The following CLEC2A variants were observed in gnomAD, a reference collection of about 807,000 sequenced individuals.
The protein encoded by CLEC2A is C-type lectin domain family 2 member A.
A neutral mutation model predicts 18.6 loss-of-function variants in CLEC2A; 19 were observed. The ratio of observed to expected loss-of-function variants is 1.02; its 90% confidence interval spans 0.71 to 1.50. CLEC2A has a LOEUF of 1.50. Among genes scored for constraint, CLEC2A ranks in the 40% most tolerant of loss-of-function variants. The pLI, the probability that CLEC2A is intolerant of heterozygous loss-of-function variation, is 0.00. For synonymous variants in CLEC2A, 74 were observed against 64.0 expected (o/e 1.16, Z -0.75); for missense variants, 190 against 207.9 (o/e 0.91, Z 0.53).
chr12:9,912,887 CT>C (rs555814635), downstream of CLEC2A, among the ~76,000 whole-genome samples: 5 of 152,026 alleles, frequency 3.3e-5, no homozygotes, highest in African/African-American at 1.2e-4. Context: ...AATCAAGATA[CT>C]TTTTTTTCTC....
At chr12:9,882,773 T>C in the CLEC2A span, among the ~76,000 whole-genome samples, 1 of 131,574 alleles carries the variant, frequency 7.6e-6, no homozygotes, top group Non-Finnish European at 1.7e-5. Context: ...AGAGCAAGAC[T>C]CCATATATAA....
chr12:9,888,054 C>CA, the CLEC2A span, among the ~76,000 whole-genome samples: 6,769 of 65,400 alleles, frequency 0.1, 713 homozygotes, highest in East Asian at 0.28. Flanking sequence ...GACCCTGTGT[C>CA]AAAAAAAAAA....
chr12:9,914,211 G>A (rs1436860652), intron 4 of CLEC2A, among the ~76,000 whole-genome samples: 1 of 151,714 alleles, frequency 6.6e-6, no homozygotes, highest in East Asian at 1.9e-4. Flanking sequence ...AAACCTAAGA[G>A]ACTGCTTATA....
chr12:9,897,048 C>G (rs193190749), downstream of CLEC2A, among the ~76,000 whole-genome samples: 2 of 151,854 alleles, frequency 1.3e-5, no homozygotes, highest in East Asian at 3.9e-4. Context: ...TTAGTAGAGA[C>G]GAGGTTTCAC....
intron 1 of CLEC2A, among the ~76,000 whole-genome samples, chr12:9,931,120 G>C (rs1448112052): frequency 6.6e-6 from 1 of 151,940 alleles, no homozygotes; most frequent in Non-Finnish European, 1.5e-5. Flanking sequence ...ATGCTTCACA[G>C]TACTTCATAT....
chr12:9,923,951 T>G (rs1045764264), intron 2 of CLEC2A, among the ~76,000 whole-genome samples: 5 of 151,638 alleles, frequency 3.3e-5, no homozygotes, highest in Non-Finnish European at 1.5e-5. Context: ...TGGGGAGGGA[T>G]AGCCCCCCTG....
At chr12:9,910,497 C>T (rs978265617), downstream of CLEC2A, among the ~76,000 whole-genome samples, 3 of 152,108 alleles carry the variant, frequency 2.0e-5, no homozygotes. Context: ...CTCAATCTCT[C>T]CTACTAGAGA....
At chr12:9,914,523 C>A (rs934983236) in intron 4 of CLEC2A, among the ~76,000 whole-genome samples, 1 of 152,108 alleles carries the variant, frequency 6.6e-6, no homozygotes, top group African/African-American at 2.4e-5. Context: ...GACATACAGA[C>A]CAATGGAACA....
chr12:9,927,911 C>A (rs1863303591), intron 1 of CLEC2A, among the ~76,000 whole-genome samples: 1 of 151,238 alleles, frequency 6.6e-6, no homozygotes, highest in African/African-American at 2.4e-5. Context: ...ATTTCAGACA[C>A]CCAAAATAGT....
intron 3 of CLEC2A, among the ~76,000 whole-genome samples, chr12:9,918,012 C>T (rs1016069583): frequency 1.3e-5 from 2 of 152,112 alleles, no homozygotes; most frequent in Non-Finnish European, 2.9e-5. Flanking sequence ...TTGACAGATG[C>T]ATAGCTTGCA....
downstream of CLEC2A, among the ~76,000 whole-genome samples, chr12:9,897,627 A>G (rs1862771270): frequency 6.6e-6 from 1 of 150,646 alleles, no homozygotes; most frequent in Non-Finnish European, 1.5e-5. Flanking sequence ...ATACCAGGCG[A>G]TCACACACAC....
chr12:9,889,157 A>C, the CLEC2A span, among the ~76,000 whole-genome samples: 4 of 152,170 alleles, frequency 2.6e-5, no homozygotes, highest in African/African-American at 9.7e-5. Context: ...GAATCAAGAG[A>C]TTTCAGCCAA....
chr12:9,888,789 CT>C, the CLEC2A span: 2 of 1,484,296 alleles, frequency 1.3e-6, no homozygotes, highest in Non-Finnish European at 1.8e-6. Context: ...AGGTAATACT[CT>C]TTTTGTTTGT....
chr12:9,906,752 G>A (rs1862913084), intron 4 of CLEC2A, among the ~76,000 whole-genome samples: 2 of 152,156 alleles, frequency 1.3e-5, no homozygotes, highest in Admixed American at 6.5e-5. Context: ...TACCTGGGAG[G>A]AGCCATCTAT....
chr12:9,892,704 C>G, the CLEC2A span, among the ~76,000 whole-genome samples: 1 of 151,418 alleles, frequency 6.6e-6, no homozygotes, highest in Non-Finnish European at 1.5e-5. Context: ...CCTGCCTCAG[C>G]CTCCCAAGTA....
At chr12:9,910,445 G>A (rs1310261290), downstream of CLEC2A, among the ~76,000 whole-genome samples, 3 of 152,088 alleles carry the variant, frequency 2.0e-5, no homozygotes, top group Non-Finnish European at 4.4e-5. Context: ...TCTCCTACTA[G>A]AGATTTCTTG....
rs568216693 is a variant in CLEC2A, at chr12:9,915,632, T to G, written c.410+1068A>C. 2.0e-5 allele frequency among the ~76,000 whole-genome samples: 3 copies of G among 152,136 alleles called. No homozygotes were observed. The South Asian group carries it at 6.2e-4, about 32-fold the overall frequency. On this transcript the variant is annotated intron_variant, in intron 4 of 4. Transcript: ENST00000455827. ...AAAACCAAACACTGCATGTTCTCACTCATAAGTGAGAGTTGAACAGTGAGA... is the reference window on the plus strand; with the variant it reads ...AAAACCAAACACTGCATGTTCTCACGCATAAGTGAGAGTTGAACAGTGAGA...
the CLEC2A span, chr12:9,893,472 T>C: frequency 5.3e-6 from 8 of 1,520,892 alleles, no homozygotes; most frequent in South Asian, 2.4e-5. Context: ...TTTGGTTGGA[T>C]TGGACTATAT....
downstream of CLEC2A, among the ~76,000 whole-genome samples, chr12:9,897,506 T>A (rs1862769480): frequency 1.3e-5 from 2 of 151,164 alleles, no homozygotes; most frequent in Non-Finnish European, 2.9e-5. Context: ...ATTAGGCACG[T>A]GGACACATTG....
Sources: gnomAD v4.1 joint callset for allele counts (sites outside exome capture counted in the v4.1 genomes callset) on GRCh38, gnomAD v4.1.1 for gene constraint, MANE v1.5 for transcripts, NCBI Gene and HGNC (gene_info 2026-07-23, HGNC 2026-07-21) for gene names.